Variants in TBX15 observed in about 807,000 individuals in gnomAD.
TBX15 encodes T-box transcription factor TBX15.
Under a neutral mutation model 53.9 loss-of-function variants are expected in TBX15, and 18 were observed. The observed-to-expected ratio is 0.33, with a 90% confidence interval of 0.23 to 0.49. The LOEUF (loss-of-function observed/expected upper bound fraction) is 0.49, where lower values mean the gene tolerates loss of function less well. Ranked by LOEUF, TBX15 falls within the 20% of genes least tolerant of loss-of-function variation. TBX15 has a pLI of 0.98. For synonymous variants in TBX15, 295 were observed against 278.0 expected, an observed-to-expected ratio of 1.06 and a Z score of -0.61; for missense variants, 692 against 749.5, an observed-to-expected ratio of 0.92 and a Z score of 0.90.
intron 1 of TBX15, among the ~76,000 whole-genome samples, chr1:118,981,434 A>C (rs571062875): frequency 3.3e-5 from 5 of 152,346 alleles, no homozygotes; most frequent in Non-Finnish European, 7.3e-5. Flanking sequence ...TGGTGTTCAC[A>C]CATAAGTTTG....
intron 1 of TBX15, among the ~76,000 whole-genome samples, chr1:118,965,661 A>C (rs1392715552): frequency 6.6e-6 from 1 of 152,204 alleles, no homozygotes; most frequent in African/African-American, 2.4e-5. Flanking sequence ...GACTGGAAAC[A>C]ACCTGAAGGC....
intron 7 of TBX15, among the ~76,000 whole-genome samples, chr1:118,894,864 G>A (rs976146192): frequency 5.3e-5 from 8 of 152,100 alleles, no homozygotes; most frequent in African/African-American, 2.4e-5. Flanking sequence ...CCTATCAGGA[G>A]CTCTTCATGA....
intron 1 of TBX15, among the ~76,000 whole-genome samples, chr1:118,970,147 T>C (rs928472293): frequency 6.6e-6 from 1 of 152,224 alleles, no homozygotes. Flanking sequence ...ATGCCTACTG[T>C]ACAGCCTGTG....
In TBX15 at chr1:118,976,213, T is replaced by TA. The variant is rs201244771; in HGVS notation, c.205+11377dup. On this transcript the variant is annotated intron_variant, in intron 1 of 7. Transcript: ENST00000369429. The stretch of plus-strand genomic sequence containing the variant: ...AGAGCTGGGGTTTCTGTTGTTCCTC[T>TA]AAAAAAAAACTTCCCAGATTCCTCC... Among the ~76,000 whole-genome samples the TA allele has an allele frequency of 1.8e-4, 27 of 151,526 alleles. 1 individual carries two copies. The East Asian group carries it at 2.7e-3, about 15-fold the overall frequency.
At chr1:118,918,247 A>C (rs1481441963) in intron 5 of TBX15, among the ~76,000 whole-genome samples, 1 of 152,178 alleles carries the variant, frequency 6.6e-6, no homozygotes, top group Non-Finnish European at 1.5e-5. Context: ...CATGTTTACT[A>C]AATGTAACTC....
chr1:118,959,763 C>T (rs988599255), intron 1 of TBX15, among the ~76,000 whole-genome samples: 1 of 152,152 alleles, frequency 6.6e-6, no homozygotes, highest in African/African-American at 2.4e-5. Context: ...AATCTGACTT[C>T]GAAATCAGAA....
chr1:118,959,062 G>T (rs2101674189), intron 1 of TBX15, among the ~76,000 whole-genome samples: 1 of 152,194 alleles, frequency 6.6e-6, no homozygotes, highest in South Asian at 2.1e-4. Flanking sequence ...GAGTATGTGT[G>T]TGTGAAGTTA....
intron 5 of TBX15, among the ~76,000 whole-genome samples, chr1:118,914,594 A>C (rs181640696): frequency 1.8e-4 from 28 of 152,350 alleles, no homozygotes; most frequent in South Asian, 1.0e-3. Context: ...GTTAATAATT[A>C]ATAATGGACT....
chr1:118,941,559 G>A (rs1479369521), intron 1 of TBX15, among the ~76,000 whole-genome samples: 1 of 152,128 alleles, frequency 6.6e-6, no homozygotes, highest in African/African-American at 2.4e-5. Context: ...TAACATGGCT[G>A]ACAACAATGT....
At chr1:118,897,250 CAAG>C (rs1654461582) in intron 7 of TBX15, among the ~76,000 whole-genome samples, 1 of 152,244 alleles carries the variant, frequency 6.6e-6, no homozygotes, top group East Asian at 1.9e-4. Context: ...GGTTGTGCTC[CAAG>C]AAGAAGTTTG....
chr1:118,886,345 A>C (rs1653943851), intron 7 of TBX15, among the ~76,000 whole-genome samples: 1 of 152,192 alleles, frequency 6.6e-6, no homozygotes, highest in African/African-American at 2.4e-5. Flanking sequence ...CCTGAGAGTC[A>C]GGAGATCTGG....
intron 5 of TBX15, among the ~76,000 whole-genome samples, chr1:118,914,536 T>G (rs1655127024): frequency 6.6e-6 from 1 of 152,132 alleles, no homozygotes; most frequent in African/African-American, 2.4e-5. Flanking sequence ...GGGAGGCACT[T>G]AAAAAATGCT....
intron 7 of TBX15, among the ~76,000 whole-genome samples, chr1:118,891,353 TTTC>T (rs1487803872): frequency 2.6e-5 from 4 of 152,224 alleles, no homozygotes. Flanking sequence ...GACTGCAGCA[TTTC>T]TTCACTTTCC....
chr1:118,885,062 T>C lies in TBX15; in HGVS notation c.1479A>G (p.Pro493=), dbSNP rs746283342. 4.3e-6 allele frequency: 7 copies of C among 1,614,062 alleles called. No homozygotes were observed. The highest frequency in any genetic ancestry group is 5.9e-6 in the Non-Finnish European group (7 of 1,180,002). The change falls in exon 8 of 8, where the codon CCA becomes CCG. Residue 493 remains proline, a synonymous_variant. Coordinates refer to ENST00000369429, the MANE Select transcript of TBX15 (RefSeq NM_001330677.2). ...GCATGTGGCTGCCCCCGAACATGTG[T>C]GGTGATGAGGAGCTGGAGGCAGCAT... ...AGNAASSSSS[P]HMFGGSHMQQ...
chr1:118,919,355 T>C (rs1458765459), intron 5 of TBX15, among the ~76,000 whole-genome samples: 3 of 152,210 alleles, frequency 2.0e-5, no homozygotes, highest in Admixed American at 2.0e-4. Flanking sequence ...TCTACCATTT[T>C]ATTCTCTTTG....
At chr1:118,886,175 G>C (rs1653939622) in intron 7 of TBX15, among the ~76,000 whole-genome samples, 1 of 152,176 alleles carries the variant, frequency 6.6e-6, no homozygotes, top group South Asian at 2.1e-4. Flanking sequence ...TTAGAATAAA[G>C]CAGGGCTAAC....
At chr1:118,894,419 G>A (rs1262182419) in intron 7 of TBX15, among the ~76,000 whole-genome samples, 1 of 152,152 alleles carries the variant, frequency 6.6e-6, no homozygotes, top group African/African-American at 2.4e-5. Context: ...TCTTTCATAG[G>A]TGAAAGTAAA....
At chr1:118,936,333 C>A (rs1655964563) in intron 1 of TBX15, among the ~76,000 whole-genome samples, 1 of 152,146 alleles carries the variant, frequency 6.6e-6, no homozygotes, top group African/African-American at 2.4e-5. Flanking sequence ...AACTTAATAT[C>A]CAAATTAGAC....
At chr1:118,931,950 C>T (rs1655803612) in intron 1 of TBX15, 118 bp from the exon 2 acceptor site, 1 of 970,792 alleles carries the variant, frequency 1.0e-6, no homozygotes, top group Non-Finnish European at 1.5e-6. Context: ...CAAAAGGAGA[C>T]TTAAAGCTGG....
Sources: gnomAD v4.1 joint callset for allele counts (sites outside exome capture counted in the v4.1 genomes callset) on GRCh38, gnomAD v4.1.1 for gene constraint, MANE v1.5 for transcripts, NCBI Gene and HGNC (gene_info 2026-07-23, HGNC 2026-07-21) for gene names.